The following CORO7 variants were observed in gnomAD, a reference collection of about 807,000 sequenced individuals.
CORO7 encodes coronin-7.
Under a neutral mutation model 126.6 loss-of-function variants are expected in CORO7, and 107 were observed. That is an observed-to-expected ratio of 0.85 (90% CI 0.72 to 0.99). The LOEUF (loss-of-function observed/expected upper bound fraction) is 0.99. CORO7 is among the 50% of genes least tolerant of loss of function. CORO7 has a pLI of 0.00. For missense variants in CORO7, 1,314 were observed against 1,255.8 expected, an observed-to-expected ratio of 1.05 and a Z score of -0.70; for synonymous variants, 603 against 536.8, an observed-to-expected ratio of 1.12 and a Z score of -1.70.
At chr16:4,363,599 C>CTG (rs1179061692) in intron 14 of CORO7, among the ~76,000 whole-genome samples, 1 of 152,112 alleles carries the variant, frequency 6.6e-6, no homozygotes, top group Non-Finnish European at 1.5e-5. Flanking sequence ...GTAATCCCAG[C>CTG]TACTCAGGAG....
At chr16:4,358,920 T>C (rs1354274606) in intron 23 of CORO7, 6 of 291,792 alleles carry the variant, frequency 2.1e-5, no homozygotes, top group African/African-American at 2.2e-5. Flanking sequence ...TAGGTTCATA[T>C]AGTTTAACCT....
chr16:4,382,606 C>T, intron 9 of CORO7: 2 of 1,588,650 alleles, frequency 1.3e-6, no homozygotes, highest in Non-Finnish European at 1.7e-6. Context: ...CCTGCCGCTC[C>T]TCATTGCGCC....
At chr16:4,382,821 G>A in intron 9 of CORO7, 2 of 1,597,904 alleles carry the variant, frequency 1.3e-6, no homozygotes, top group Non-Finnish European at 8.5e-7. Context: ...TGCCCAGCGG[G>A]TCTGAGTGTG....
chr16:4,396,003 T>TGTGTGTGTGTGC (rs1567290614), intron 6 of CORO7, among the ~76,000 whole-genome samples: 1 of 150,934 alleles, frequency 6.6e-6, no homozygotes, highest in Non-Finnish European at 1.5e-5. Context: ...ACGTTGTGTG[T>TGTGTGTGTGTGC]GTGTGTGTAC....
At chr16:4,396,916 G>A (rs552161936) in intron 6 of CORO7, among the ~76,000 whole-genome samples, 10 of 148,870 alleles carry the variant, frequency 6.7e-5, no homozygotes, top group African/African-American at 2.2e-4. Flanking sequence ...CTCAGGGGGC[G>A]GAGGCAGGAG....
Position 4,416,581 on chromosome 16 carries a change from C to T in CORO7, c.-63G>A, listed in dbSNP as rs1196565328. On this transcript the variant is annotated 5_prime_UTR_variant, in exon 1 of 28. Coordinates refer to ENST00000251166, the MANE Select transcript of CORO7 (RefSeq NM_024535.5). ...CCGGGCGTCGGGTCTCAGGTGCACG[C>T]TGAGCAACCGCGACTCCCGCTGCCT... is the stretch of plus-strand genomic sequence containing the variant. 1.9e-6 allele frequency: 3 copies of T among 1,550,764 alleles called. No homozygotes were observed. In the South Asian group the frequency reaches 3.5e-5, roughly 18 times the overall value.
chr16:4,365,726 C>T (rs148628304), intron 9 of CORO7, among the ~76,000 whole-genome samples, 181 bp from the exon 10 acceptor site: 2,094 of 152,274 alleles, frequency 0.014, 19 homozygotes, highest in Non-Finnish European at 0.018. Context: ...GCCCAACACA[C>T]GCCCACACCC....
chr16:4,378,463 C>A (rs956194195), intron 9 of CORO7, among the ~76,000 whole-genome samples: 1 of 152,102 alleles, frequency 6.6e-6, no homozygotes, highest in Admixed American at 6.5e-5. Context: ...GGCCTCACCC[C>A]CCATATGGAC....
rs150918473 is a variant in CORO7 at position 4,407,526 on chromosome 16, G to A, written c.462C>T (p.Asp154=). ...CTGTCAGGGGCTGCTGCTTGGCTGC[G>A]TCCCAGACCTTCACAGTGGTGCCTG... ...SAAGTTVKVW[D]AAKQQPLTEL... Residue 154 remains aspartate, a synonymous_variant, in exon 5 of 28, where the codon GAC becomes GAT. Transcript: ENST00000251166. 2,754 of 1,573,548 alleles carry A rather than the reference G, an allele frequency of 1.8e-3. 2 individuals are homozygous for A. The highest frequency in any genetic ancestry group is 2.2e-3 in the Non-Finnish European group (2,531 of 1,159,622).
rs758698458 is a variant in CORO7 at position 4,360,306 on chromosome 16, G to A, written c.2080C>T (p.Arg694Cys). The A allele has an allele frequency of 6.8e-6, 11 of 1,613,522 alleles. No individual in the cohort carries two copies. Among genetic ancestry groups the A allele is most frequent in the Middle Eastern group, 1.6e-4 (1 of 6,084 alleles). ...GARIVWVCDG[R>C]CLLVSGFDSQ... ...TCAAAGCCAGACACCAGCAGACAGC[G>A]ACCATCACATACCCAGACAATGCGA... The change falls in exon 21 of 28, where the codon CGC (arginine) becomes TGC (cysteine). Residue 694 changes from arginine (R) to cysteine (C), a missense_variant. By Grantham distance (180) the Arg-to-Cys change is radical (BLOSUM62 -3). Coordinates refer to ENST00000251166, the MANE Select transcript of CORO7 (RefSeq NM_024535.5).
At chr16:4,406,904 G>T (rs1049078265) in intron 5 of CORO7, among the ~76,000 whole-genome samples, 1 of 152,204 alleles carries the variant, frequency 6.6e-6, no homozygotes, top group African/African-American at 2.4e-5. Flanking sequence ...CTCCCAAAGT[G>T]CTGGGATTAC....
chr16:4,357,423 C>T (rs1451784872), intron 25 of CORO7, 164 bp from the exon 26 acceptor site: 40 of 695,488 alleles, frequency 5.8e-5, no homozygotes, highest in Middle Eastern at 8.5e-4. Context: ...AATGATGTGA[C>T]CTAGGCTGAC....
chr16:4,389,954 A>G (rs1392447577), intron 7 of CORO7, among the ~76,000 whole-genome samples: 1 of 152,210 alleles, frequency 6.6e-6, no homozygotes, highest in Non-Finnish European at 1.5e-5. Context: ...GTTCTCAGAT[A>G]GAGGGCAGGT....
intron 13 of CORO7, 69 bp from the exon 14 acceptor site, chr16:4,364,482 G>T: frequency 6.8e-7 from 1 of 1,477,644 alleles, no homozygotes; most frequent in Non-Finnish European, 9.0e-7. Context: ...CCATGGGAGG[G>T]TCAACTGGGT....
At chr16:4,374,405 G>A (rs1449848714) in intron 9 of CORO7, among the ~76,000 whole-genome samples, 1 of 152,162 alleles carries the variant, frequency 6.6e-6, no homozygotes, top group Non-Finnish European at 1.5e-5. Flanking sequence ...GGCAGGGGGT[G>A]GGGGCAGGCG....
At chr16:4,404,214 G>A (rs2055914001) in intron 6 of CORO7, among the ~76,000 whole-genome samples, 3 of 152,172 alleles carry the variant, frequency 2.0e-5, no homozygotes, top group South Asian at 2.1e-4. Flanking sequence ...GCTCCTGTTC[G>A]GCTCCATTCC....
At chr16:4,384,931 T>C (rs2055140214) in intron 9 of CORO7, among the ~76,000 whole-genome samples, 1 of 145,062 alleles carries the variant, frequency 6.9e-6, no homozygotes, top group Non-Finnish European at 1.5e-5. Context: ...ATGTTTTCAC[T>C]GCAAAGCAAA....
At chr16:4,383,621 C>A (rs1444485131) in intron 9 of CORO7, 2 of 166,722 alleles carry the variant, frequency 1.2e-5, no homozygotes, top group Non-Finnish European at 1.5e-5. Context: ...TCAGCAGCCC[C>A]TGGGCTTGGG....
chr16:4,374,935 C>T (rs2054666241), intron 9 of CORO7, among the ~76,000 whole-genome samples: 1 of 152,054 alleles, frequency 6.6e-6, no homozygotes, highest in South Asian at 2.1e-4. Flanking sequence ...GGTGCTTGCC[C>T]CTGGGTGGGG....
Sources: allele counts gnomAD v4.1 joint callset (sites outside exome capture counted in the v4.1 genomes callset), GRCh38; gene constraint gnomAD v4.1.1; transcripts MANE v1.5; gene names NCBI Gene and HGNC (gene_info 2026-07-23, HGNC 2026-07-21).